Variants in INTS2 observed in about 807,000 individuals in gnomAD.
INTS2 encodes the protein integrator complex subunit 2.
A neutral mutation model predicts 139.6 loss-of-function variants in INTS2; 57 were observed. That is an observed-to-expected ratio of 0.41 (90% CI 0.33 to 0.51). The LOEUF (loss-of-function observed/expected upper bound fraction) is 0.51. INTS2 is among the 20% of genes least tolerant of loss of function. The pLI, the probability that INTS2 is intolerant of heterozygous loss-of-function variation, is 0.28. For missense variants in INTS2, 1,196 were observed against 1,436.7 expected, an observed-to-expected ratio of 0.83 and a Z score of 2.71; for synonymous variants, 473 against 493.4, an observed-to-expected ratio of 0.96 and a Z score of 0.55.
At chr17:61,907,706 A>G (rs533421933) in intron 7 of INTS2, 72 bp from the exon 8 acceptor site, 1 of 1,185,232 alleles carries the variant, frequency 8.4e-7, no homozygotes, top group East Asian at 2.5e-5. Flanking sequence ...GCTAAAACAT[A>G]GCACCCCACT....
intron 15 of INTS2, among the ~76,000 whole-genome samples, chr17:61,889,214 G>GTT (rs1242342003): frequency 6.6e-6 from 1 of 151,804 alleles, no homozygotes; most frequent in Non-Finnish European, 1.5e-5. Context: ...AACCTCCTGA[G>GTT]TAGCTGGGAT....
chr17:61,914,562 T>C (rs2079559127), intron 5 of INTS2, among the ~76,000 whole-genome samples: 4 of 151,074 alleles, frequency 2.6e-5, no homozygotes, highest in Admixed American at 2.6e-4. Flanking sequence ...TAGCCGGGCG[T>C]GGTGGTGGCG....
rs1256855797 is a variant in INTS2, at chr17:61,921,688, C to G, written c.535+37G>C. 6.8e-6 allele frequency: 7 copies of G among 1,026,838 alleles called. No homozygotes were observed. The Admixed American group carries it at 1.2e-4, about 17-fold the overall frequency. 63.6% of individuals were successfully genotyped at this position (1,026,838 alleles called of 1,614,324 possible). A position where few individuals can be genotyped will look rare whatever the true frequency, so the allele number is the denominator to read the frequency against. ...TTACACAGTATCATTTAACAAGAAA[C>G]TATATATGAAATCCATCTTAGCACT... On this transcript the variant is annotated intron_variant, in intron 4 of 24. Coordinates refer to ENST00000251334, the MANE Select transcript of INTS2 (RefSeq NM_001351695.2).
rs200844149 is a variant in INTS2 at position 61,907,556 on chromosome 17, T to C, written c.1033A>G (p.Thr345Ala). 572 of 1,593,760 alleles carry C rather than the reference T, an allele frequency of 3.6e-4. 4 individuals are homozygous for C. The Middle Eastern group carries it at 4.0e-3, about 11-fold the overall frequency. ...LLLELMGILP[T>A]VRSTRIVEEA... Reference sequence around the variant, plus strand: ...TCCACAATTCGGGTGCTTCTTACTGTGGGAAGAATGCCCATCAACTCCAGA... The same window carrying C: ...TCCACAATTCGGGTGCTTCTTACTGCGGGAAGAATGCCCATCAACTCCAGA... Residue 345 changes from threonine to alanine, a missense_variant, in exon 8 of 25, where the codon ACA (threonine) becomes GCA (alanine). Physicochemically the swap from Thr to Ala is moderately conservative, Grantham distance 58. Coordinates refer to ENST00000251334, the MANE Select transcript of INTS2 (RefSeq NM_001351695.2).
intron 8 of INTS2, 98 bp downstream of exon 8, chr17:61,907,310 C>T (rs1280581191): frequency 1.9e-5 from 20 of 1,028,162 alleles, no homozygotes; most frequent in Non-Finnish European, 2.7e-5. Flanking sequence ...CAACAGAAAA[C>T]TTTAATCCTC....
At chr17:61,887,186 A>G (rs536305450) in intron 15 of INTS2, among the ~76,000 whole-genome samples, 49 of 152,270 alleles carry the variant, frequency 3.2e-4, no homozygotes, top group African/African-American at 1.0e-3. Context: ...TGAGTTAACT[A>G]TAAGACTAAA....
intron 9 of INTS2, among the ~76,000 whole-genome samples, chr17:61,903,052 C>G (rs1256068892): frequency 6.7e-6 from 1 of 150,128 alleles, no homozygotes; most frequent in Non-Finnish European, 1.5e-5. Context: ...GTAGTCCCAG[C>G]TACTCGGGAG....
At chr17:61,904,653 AC>A (rs1334085861) in intron 8 of INTS2, 68 bp from the exon 9 acceptor site, 1 of 1,344,800 alleles carries the variant, frequency 7.4e-7, no homozygotes, top group Non-Finnish European at 1.0e-6. Flanking sequence ...TGAATTTTTA[AC>A]CTTTTAGTTA....
chr17:61,905,784 A>C (rs915106570), intron 8 of INTS2, among the ~76,000 whole-genome samples: 10 of 151,392 alleles, frequency 6.6e-5, no homozygotes, highest in Non-Finnish European at 1.0e-4. Context: ...CGCAACCTCC[A>C]CCTCCTGGGT....
chr17:61,887,023 T>C (rs528970196), intron 15 of INTS2, among the ~76,000 whole-genome samples: 6 of 152,316 alleles, frequency 3.9e-5, no homozygotes, highest in African/African-American at 1.4e-4. Context: ...ACAATAGTTA[T>C]AGGTTCCAGA....
intron 3 of INTS2, 74 bp downstream of exon 3, chr17:61,924,887 T>A (rs2079692717): frequency 6.8e-7 from 1 of 1,466,690 alleles, no homozygotes; most frequent in African/African-American, 1.4e-5. Flanking sequence ...ACTTCTTGTC[T>A]CTTTTTCTGT....
intron 3 of INTS2, among the ~76,000 whole-genome samples, chr17:61,922,417 G>T (rs1258516384): frequency 1.4e-5 from 2 of 139,258 alleles, no homozygotes; most frequent in Non-Finnish European, 1.5e-5. Context: ...GCAGTGAGCC[G>T]AGATAGCACC....
At chr17:61,920,485 AC>A (rs2079628750) in intron 4 of INTS2, among the ~76,000 whole-genome samples, 1 of 89,260 alleles carries the variant, frequency 1.1e-5, no homozygotes, top group South Asian at 3.4e-4. Flanking sequence ...CCTGGCCTAT[AC>A]TTTTTTTTTT....
At chr17:61,904,721 G>A in intron 8 of INTS2, 136 bp from the exon 9 acceptor site, 1 of 723,912 alleles carries the variant, frequency 1.4e-6, no homozygotes, top group Non-Finnish European at 2.2e-6. Context: ...AACATCTCAA[G>A]TTGCCAAATG....
At chr17:61,880,368 A>C (rs1001320612) in intron 17 of INTS2, among the ~76,000 whole-genome samples, 3 of 152,134 alleles carry the variant, frequency 2.0e-5, no homozygotes, top group African/African-American at 7.2e-5. Context: ...ATTTCTAACC[A>C]GTTTAGAACC....
rs1379610176 is a variant in INTS2 at position 61,867,861 on chromosome 17, C to A, written c.3393G>T (p.Gln1131His). The change falls in exon 24 of 25, where the codon CAG becomes CAT. Residue 1131 changes from glutamine to histidine, a missense_variant. Gln to His is a conservative substitution (Grantham distance 24). Coordinates refer to ENST00000251334, the MANE Select transcript of INTS2 (RefSeq NM_001351695.2). This position sits in a 1 kb window ranked among gnomAD's most constrained non-coding sequence, Gnocchi z 5.6. ...TAATAATTGGATCAATGTCTCTTGT[C>A]TGAGTGGCAACATCAGAGGCACAAA... ...GQVCASDVAT[Q>H]TRDIDPIITR... The A allele has an allele frequency of 6.2e-7, 1 of 1,602,330 alleles. No individual in the cohort carries two copies. Among genetic ancestry groups the A allele is most frequent in the Non-Finnish European group, 8.5e-7 (1 of 1,176,674 alleles).
At chr17:61,908,254 A>C (rs1486498182) in intron 7 of INTS2, among the ~76,000 whole-genome samples, 1 of 152,112 alleles carries the variant, frequency 6.6e-6, no homozygotes, top group Non-Finnish European at 1.5e-5. Context: ...ATCTCTACTA[A>C]AAATATAAAA....
chr17:61,889,596 A>C (rs1274980414), intron 15 of INTS2, among the ~76,000 whole-genome samples, 190 bp downstream of exon 15: 1 of 152,244 alleles, frequency 6.6e-6, no homozygotes, highest in Non-Finnish European at 1.5e-5. Context: ...ACTGGGCCAT[A>C]AATCGTGGTT....
intron 5 of INTS2, among the ~76,000 whole-genome samples, chr17:61,913,333 T>A (rs1221756888): frequency 1.6e-5 from 2 of 124,672 alleles, no homozygotes; most frequent in African/African-American, 6.4e-5. Flanking sequence ...AGAGCAAGAC[T>A]CCGTCTCCCA....
Sources: gnomAD v4.1 joint callset for allele counts (sites outside exome capture counted in the v4.1 genomes callset) on GRCh38, gnomAD v4.1.1 for gene constraint, Gnocchi (gnomAD v3.1) non-coding constraint, MANE v1.5 for transcripts, NCBI Gene and HGNC (gene_info 2026-07-23, HGNC 2026-07-21) for gene names.